Variants in AGMO observed in about 807,000 individuals in gnomAD.
AGMO encodes the protein alkylglycerol monooxygenase.
In AGMO, 75 loss-of-function variants were observed where a neutral mutation model predicts 60.2. The ratio of observed to expected loss-of-function variants is 1.25; its 90% confidence interval spans 1.03 to 1.51. The LOEUF is 1.51. Among genes scored for constraint, AGMO ranks in the 40% most tolerant of loss-of-function variants. The pLI is 0.00. For synonymous variants in AGMO, 261 were observed against 177.1 expected (o/e 1.47, Z -3.76); for missense variants, 763 against 525.5 (o/e 1.45, Z -4.42).
At chr7:15,196,977 G>A (rs947356248), downstream of AGMO, among the ~76,000 whole-genome samples, 3 of 151,968 alleles carry the variant, frequency 2.0e-5, no homozygotes, top group African/African-American at 7.3e-5. Flanking sequence ...AATGTAAGTT[G>A]TTAGGAAGAA....
chr7:15,397,511 A>G (rs533292787), intron 5 of AGMO, among the ~76,000 whole-genome samples: 1 of 152,270 alleles, frequency 6.6e-6, no homozygotes, highest in African/African-American at 2.4e-5. Flanking sequence ...CGCCCAGGCC[A>G]AGAAGGCGCT....
At chr7:15,483,603 AAC>A (rs1782826702) in intron 3 of AGMO, among the ~76,000 whole-genome samples, 2 of 148,720 alleles carry the variant, frequency 1.3e-5, no homozygotes, top group Non-Finnish European at 3.0e-5. Context: ...ACAAACAAAA[AAC>A]CATAAAATTT....
rs570879384 is a variant in AGMO, at chr7:15,293,565, C to G, written c.1263+71949G>C. Among the ~76,000 whole-genome samples, 9 of 152,268 alleles carry G rather than the reference C, an allele frequency of 5.9e-5. No homozygotes were observed. In the South Asian group the frequency reaches 1.9e-3, roughly 32 times the overall value. On this transcript the variant is annotated intron_variant, in intron 12 of 12. Coordinates refer to ENST00000342526, the MANE Select transcript of AGMO (RefSeq NM_001004320.2). ...AATGTTGAAACAACAACAACAAAAA[C>G]TACCAGGGTACTAGTTACAAAAAAC...
At chr7:15,131,225 G>A in the AGMO span, among the ~76,000 whole-genome samples, 6 of 152,058 alleles carry the variant, frequency 3.9e-5, no homozygotes, top group South Asian at 2.1e-4. Flanking sequence ...CATCATTGAC[G>A]AATAAAGCAG....
At chr7:15,427,740 T>G (rs558558724) in intron 4 of AGMO, among the ~76,000 whole-genome samples, 1 of 152,118 alleles carries the variant, frequency 6.6e-6, no homozygotes, top group African/African-American at 2.4e-5. Flanking sequence ...GACATGATAG[T>G]AGGATGTATA....
chr7:15,472,846 T>C lies in AGMO; in HGVS notation c.410-41738A>G, dbSNP rs919425434. ...TTCTGAATTATCCCATCATATTCAATGTGATGGAGTAGCCCTAAAAGTGAC... is the reference window on the plus strand; with the variant it reads ...TTCTGAATTATCCCATCATATTCAACGTGATGGAGTAGCCCTAAAAGTGAC... On this transcript the variant is annotated intron_variant, in intron 3 of 12. Coordinates refer to ENST00000342526, the MANE Select transcript of AGMO (RefSeq NM_001004320.2). 2.0e-5 allele frequency among the ~76,000 whole-genome samples: 3 copies of C among 151,872 alleles called. No homozygotes were observed. In the South Asian group the frequency reaches 6.2e-4, roughly 31 times the overall value.
the AGMO span, among the ~76,000 whole-genome samples, chr7:15,138,891 T>G: frequency 1.3e-5 from 2 of 152,146 alleles, no homozygotes; most frequent in Admixed American, 6.6e-5. Flanking sequence ...TATTGGGTAG[T>G]GTTTGACACA....
chr7:15,329,305 A>G lies in AGMO; in HGVS notation c.1263+36209T>C, dbSNP rs573406886. 1.3e-4 allele frequency among the ~76,000 whole-genome samples: 20 copies of G among 152,312 alleles called. 1 individual carries two copies. The highest frequency in any genetic ancestry group is 2.4e-4 in the Non-Finnish European group (16 of 68,016). On this transcript the variant is annotated intron_variant, in intron 12 of 12. Transcript: ENST00000342526. The stretch of plus-strand genomic sequence containing the variant: ...GCTTCCCTTTTTCTTTCAGTGAATT[A>G]AGCCATTGGTGGCAGAAACAAGTTA...
chr7:15,148,854 G>A, the AGMO span, among the ~76,000 whole-genome samples: 9 of 152,022 alleles, frequency 5.9e-5, no homozygotes, highest in African/African-American at 1.4e-4. Flanking sequence ...TGGATTAGTG[G>A]GTCAAATGGT....
intron 12 of AGMO, among the ~76,000 whole-genome samples, chr7:15,267,422 C>A (rs1783464710): frequency 6.6e-6 from 1 of 151,942 alleles, no homozygotes; most frequent in Admixed American, 6.6e-5. Flanking sequence ...TGATAATAAT[C>A]TTTAAAGGCA....
intron 10 of AGMO, among the ~76,000 whole-genome samples, chr7:15,383,705 T>G (rs1047511301): frequency 2.0e-5 from 3 of 152,196 alleles, no homozygotes; most frequent in African/African-American, 7.2e-5. Context: ...GATAGACTCA[T>G]GCCTATCAAT....
chr7:15,306,384 A>G (rs567343025), intron 12 of AGMO: 137 of 356,314 alleles, frequency 3.8e-4, no homozygotes, highest in South Asian at 3.0e-3. Flanking sequence ...GGCTTACAAA[A>G]TCTTTATTAT....
chr7:15,458,134 T>C (rs1252595860), intron 3 of AGMO, among the ~76,000 whole-genome samples: 4 of 152,126 alleles, frequency 2.6e-5, no homozygotes, highest in Non-Finnish European at 2.9e-5. Flanking sequence ...CCATCTCTCC[T>C]TCAGTGGATC....
chr7:15,513,422 C>T (rs1783730207), intron 3 of AGMO, among the ~76,000 whole-genome samples: 1 of 152,110 alleles, frequency 6.6e-6, no homozygotes, highest in Admixed American at 6.6e-5. Flanking sequence ...TCTTCTATTT[C>T]CCCAGAATCA....
At chr7:15,148,396 C>T in the AGMO span, among the ~76,000 whole-genome samples, 5 of 151,864 alleles carry the variant, frequency 3.3e-5, no homozygotes, top group African/African-American at 7.3e-5. Flanking sequence ...AATTGCATGT[C>T]GCTGGGGTTT....
chr7:15,126,552 A>G, the AGMO span, among the ~76,000 whole-genome samples: 1 of 152,062 alleles, frequency 6.6e-6, no homozygotes, highest in Non-Finnish European at 1.5e-5. Context: ...ATTTTTTTAT[A>G]ATCTTGCCCC....
At chr7:15,370,340 T>C (rs973807965) in intron 10 of AGMO, among the ~76,000 whole-genome samples, 2 of 152,226 alleles carry the variant, frequency 1.3e-5, no homozygotes, top group Admixed American at 1.3e-4. Context: ...TCTTTGCTAT[T>C]GTGAATAATG....
chr7:15,275,388 T>G (rs1055965811), intron 12 of AGMO, among the ~76,000 whole-genome samples: 11 of 152,164 alleles, frequency 7.2e-5, no homozygotes, highest in Non-Finnish European at 1.6e-4. Flanking sequence ...TTTATTCCAC[T>G]GTGGTATAAA....
intron 12 of AGMO, among the ~76,000 whole-genome samples, chr7:15,317,931 ATATATATATACACACACACACAC>A (rs1188325194): frequency 2.1e-5 from 3 of 141,324 alleles, no homozygotes; most frequent in Admixed American, 7.4e-5. Flanking sequence ...ACACACGTAT[ATATATATATACACACACACACAC>A]TATATATATA....
Sources: gnomAD v4.1 joint callset for allele counts (sites outside exome capture counted in the v4.1 genomes callset) on GRCh38, gnomAD v4.1.1 for gene constraint, MANE v1.5 for transcripts, NCBI Gene and HGNC (gene_info 2026-07-23, HGNC 2026-07-21) for gene names.